Variants in TSHZ2 observed in about 807,000 individuals in gnomAD.
TSHZ2 encodes teashirt homolog 2.
A neutral mutation model predicts 74.4 loss-of-function variants in TSHZ2; 21 were observed. That is an observed-to-expected ratio of 0.28 (90% CI 0.20 to 0.41). The LOEUF is 0.41. Among genes scored for constraint, TSHZ2 ranks in the 10% least tolerant of loss-of-function variants. The pLI, the probability that TSHZ2 is intolerant of heterozygous loss-of-function variation, is 1.00. For missense variants in TSHZ2, 1,244 were observed against 1,293.5 expected (o/e 0.96, Z 0.59); for synonymous variants, 540 against 515.3 (o/e 1.05, Z -0.65).
At chr20:53,030,805 A>G (rs1983608158) in intron 1 of TSHZ2, among the ~76,000 whole-genome samples, 1 of 152,216 alleles carries the variant, frequency 6.6e-6, no homozygotes. Flanking sequence ...CGTAATGTAA[A>G]CATTATAATC....
intron 2 of TSHZ2, among the ~76,000 whole-genome samples, chr20:53,409,490 A>G (rs2145693879): frequency 6.6e-6 from 1 of 152,188 alleles, no homozygotes. Flanking sequence ...TTGTTTAATG[A>G]TTCATCACAA....
intron 2 of TSHZ2, among the ~76,000 whole-genome samples, chr20:53,335,616 T>G (rs1160713658): frequency 6.6e-6 from 1 of 152,218 alleles, no homozygotes; most frequent in Non-Finnish European, 1.5e-5. Flanking sequence ...ATCATTCGTT[T>G]GCAAGTGTGA....
chr20:53,145,085 C>T (rs1987507646), intron 1 of TSHZ2, among the ~76,000 whole-genome samples: 1 of 152,002 alleles, frequency 6.6e-6, no homozygotes, highest in African/African-American at 2.4e-5. Flanking sequence ...AAAATTTGGG[C>T]CTGAGGATCC....
chr20:53,144,181 A>G (rs1254924663), intron 1 of TSHZ2, among the ~76,000 whole-genome samples: 1 of 152,134 alleles, frequency 6.6e-6, no homozygotes, highest in African/African-American at 2.4e-5. Context: ...TGAGGAGCAA[A>G]TTGGGAAGTT....
chr20:53,475,071 A>T (rs1291247292), intron 2 of TSHZ2, among the ~76,000 whole-genome samples: 1 of 138,914 alleles, frequency 7.2e-6, no homozygotes, highest in Non-Finnish European at 1.5e-5. Flanking sequence ...AGACTTTAAC[A>T]CCCCACTGTC....
chr20:53,139,564 C>G (rs1987336702), intron 1 of TSHZ2, among the ~76,000 whole-genome samples: 1 of 152,206 alleles, frequency 6.6e-6, no homozygotes, highest in Admixed American at 6.5e-5. Context: ...ACAAATCAAT[C>G]TAATTCTGTG....
At chr20:52,980,245 C>G (rs962530723) in intron 1 of TSHZ2, among the ~76,000 whole-genome samples, 2 of 152,146 alleles carry the variant, frequency 1.3e-5, no homozygotes, top group African/African-American at 4.8e-5. Flanking sequence ...TGCGTTTTAG[C>G]TAAACATCTC....
At position 53,072,839 on chromosome 20, in the gene TSHZ2, C is replaced by T. The variant is rs374627772; in HGVS notation, c.40+99506C>T. 5.2e-4 allele frequency among the ~76,000 whole-genome samples: 79 copies of T among 152,280 alleles called. No homozygotes were observed. In the Middle Eastern group the frequency reaches 0.014, roughly 26 times the overall value. Reference sequence around the variant, plus strand: ...CACTAGAATGGGATCAACCATTAGCCTTGAAAACAATAAAGGCATATACTT... The same window carrying T: ...CACTAGAATGGGATCAACCATTAGCTTTGAAAACAATAAAGGCATATACTT... On this transcript the variant is annotated intron_variant, in intron 1 of 2. Transcript: ENST00000371497.
intron 1 of TSHZ2, among the ~76,000 whole-genome samples, chr20:53,103,428 T>C (rs1321699594): frequency 6.6e-6 from 1 of 152,200 alleles, no homozygotes; most frequent in Non-Finnish European, 1.5e-5. Flanking sequence ...CTAATACATA[T>C]GTGTGCATTG....
intron 1 of TSHZ2, among the ~76,000 whole-genome samples, chr20:53,001,567 A>G (rs1982442839): frequency 6.6e-6 from 1 of 152,170 alleles, no homozygotes; most frequent in South Asian, 2.1e-4. Flanking sequence ...CACCATTGCT[A>G]GCTTTTTCAA....
chr20:53,210,573 C>G (rs2123608896), intron 1 of TSHZ2, among the ~76,000 whole-genome samples: 1 of 151,970 alleles, frequency 6.6e-6, no homozygotes. Flanking sequence ...ATCTGCTTGT[C>G]TCCTTGTCTC....
chr20:53,333,342 G>A (rs1485909121), intron 2 of TSHZ2, among the ~76,000 whole-genome samples: 3 of 152,164 alleles, frequency 2.0e-5, no homozygotes, highest in East Asian at 1.9e-4. Flanking sequence ...ACAATTAGAG[G>A]CCTTTGAAGA....
At chr20:53,105,999 G>A (rs990378874) in intron 1 of TSHZ2, among the ~76,000 whole-genome samples, 4 of 152,152 alleles carry the variant, frequency 2.6e-5, no homozygotes, top group Non-Finnish European at 4.4e-5. Context: ...TATGGGGTAC[G>A]ATGTGACGCT....
chr20:53,340,115 C>T (rs1422051965), intron 2 of TSHZ2, among the ~76,000 whole-genome samples: 2 of 151,664 alleles, frequency 1.3e-5, no homozygotes, highest in Non-Finnish European at 2.9e-5. Context: ...AATGCCAATG[C>T]CTGGTGGGGG....
At chr20:53,017,677 G>A (rs1983090952) in intron 1 of TSHZ2, among the ~76,000 whole-genome samples, 1 of 152,124 alleles carries the variant, frequency 6.6e-6, no homozygotes, top group South Asian at 2.1e-4. Context: ...CCATCAAACA[G>A]CCTAATATTT....
chr20:53,042,916 C>T (rs1346430461), intron 1 of TSHZ2, among the ~76,000 whole-genome samples: 1 of 151,866 alleles, frequency 6.6e-6, no homozygotes, highest in African/African-American at 2.4e-5. Flanking sequence ...GTAGGGAAAG[C>T]TGGAAATACT....
At chr20:53,408,436 A>G (rs1157618196) in intron 2 of TSHZ2, among the ~76,000 whole-genome samples, 3 of 152,252 alleles carry the variant, frequency 2.0e-5, no homozygotes. Flanking sequence ...ACTTACTAGC[A>G]AAATGAATAA....
At chr20:53,018,355 G>C (rs550135226) in intron 1 of TSHZ2, among the ~76,000 whole-genome samples, 1 of 152,172 alleles carries the variant, frequency 6.6e-6, no homozygotes, top group African/African-American at 2.4e-5. Flanking sequence ...ACCATTACCC[G>C]TTTTCAGGGG....
intron 1 of TSHZ2, among the ~76,000 whole-genome samples, chr20:53,170,960 A>T (rs375947019): frequency 6.6e-6 from 1 of 152,054 alleles, no homozygotes; most frequent in Non-Finnish European, 1.5e-5. Context: ...TAATTAAAAA[A>T]AAAAAACACA....
Sources: gnomAD v4.1 joint callset for allele counts (sites outside exome capture counted in the v4.1 genomes callset) on GRCh38, gnomAD v4.1.1 for gene constraint, MANE v1.5 for transcripts, NCBI Gene and HGNC (gene_info 2026-07-23, HGNC 2026-07-21) for gene names.